The following MCF2L variants were observed in gnomAD, a reference collection of about 807,000 sequenced individuals.
The protein encoded by MCF2L is guanine nucleotide exchange factor DBS.
A neutral mutation model predicts 153.4 loss-of-function variants in MCF2L; 97 were observed. That is an observed-to-expected ratio of 0.63 (90% CI 0.54 to 0.75). MCF2L has a LOEUF of 0.75. Among genes scored for constraint, MCF2L ranks in the 30% least tolerant of loss-of-function variants. The pLI, the probability that MCF2L is intolerant of heterozygous loss-of-function variation, is 0.00. For missense variants in MCF2L, 1,347 were observed against 1,495.2 expected (o/e 0.90, Z 1.64); for synonymous variants, 659 against 632.2 (o/e 1.04, Z -0.64).
intron 2 of MCF2L, among the ~76,000 whole-genome samples, chr13:113,023,411 G>C (rs975257112): frequency 6.6e-6 from 1 of 152,226 alleles, no homozygotes; most frequent in African/African-American, 2.4e-5. Flanking sequence ...GGATGGTAAA[G>C]CCGCCCTGCC....
Position 112,907,461 on chromosome 13 carries a change from C to T in MCF2L, c.169+5090C>T, listed in dbSNP as rs1254590682. On this transcript the variant is annotated intron_variant, in intron 2 of 29. Coordinates refer to the MCF2L transcript ENST00000375608. The surrounding 1 kb of genome is among the most constrained non-coding windows in gnomAD (Gnocchi z 5.1). Reference sequence around the variant, plus strand: ...TAGTCATGGCTTGGTGGAGAATCCTCGGTGTTTCCAGCATGGGTCAGTCGC... The same window carrying T: ...TAGTCATGGCTTGGTGGAGAATCCTTGGTGTTTCCAGCATGGGTCAGTCGC... Among the ~76,000 whole-genome samples the T allele has an allele frequency of 8.6e-5, 13 of 151,988 alleles. No individual in the cohort carries two copies. The highest frequency in any genetic ancestry group is 1.3e-4 in the Non-Finnish European group (9 of 67,984).
chr13:112,903,970 C>T (rs1024944906), intron 2 of MCF2L, among the ~76,000 whole-genome samples: 10 of 152,192 alleles, frequency 6.6e-5, no homozygotes, highest in Non-Finnish European at 1.3e-4. Flanking sequence ...AGACAGCTGG[C>T]TGCCCTGACC....
chr13:113,050,227 AGTGT>A (rs755749225), intron 4 of MCF2L, among the ~76,000 whole-genome samples: 3 of 150,214 alleles, frequency 2.0e-5, no homozygotes, highest in Non-Finnish European at 4.4e-5. Flanking sequence ...AGACTGTGTG[AGTGT>A]GTGAGTGTGT....
At chr13:112,950,005 C>CAAA (rs35902584) in intron 2 of MCF2L, among the ~76,000 whole-genome samples, 2 of 122,800 alleles carry the variant, frequency 1.6e-5, no homozygotes, top group African/African-American at 5.6e-5. Context: ...AAGGATTCTA[C>CAAA]AAAAAAAAAA....
chr13:112,993,255 A>C lies in MCF2L; in HGVS notation c.80-21508A>C, dbSNP rs951053326. Among the ~76,000 whole-genome samples the C allele has an allele frequency of 6.6e-6, 1 of 152,192 alleles. No homozygotes were observed. The highest frequency in any genetic ancestry group is 1.5e-5 in the Non-Finnish European group (1 of 68,032). ...AGCCACGTGATGTCTTCGTGTGAAC[A>C]TGGTGGCGGGGGAGCGCCGGGCACA... On this transcript the variant is annotated intron_variant, in intron 1 of 29. Coordinates refer to ENST00000535094, the MANE Select transcript of MCF2L (RefSeq NM_001112732.3). The surrounding 1 kb of genome is among the most constrained non-coding windows in gnomAD (Gnocchi z 4.6).
chr13:112,896,464 C>CCCCA (rs1555347661), intron 1 of MCF2L, among the ~76,000 whole-genome samples: 1 of 152,098 alleles, frequency 6.6e-6, no homozygotes, highest in African/African-American at 2.4e-5. Context: ...GAGGCCCCCC[C>CCCCA]TGTCTTTACA....
At chr13:112,980,203 A>G (rs2082358147) in intron 1 of MCF2L, among the ~76,000 whole-genome samples, 2 of 152,272 alleles carry the variant, frequency 1.3e-5, no homozygotes, top group African/African-American at 4.8e-5. Context: ...CAAGAATGCC[A>G]TTCAGGAACA....
rs1322815404 is a variant in MCF2L, at chr13:113,098,752, T to G, written c.*1893T>G. ...CGATGATGACAAAATAGCAACAAGGTTGTGCGTGTCAGAAACGCAAAGGCA... is the reference window on the plus strand; with the variant it reads ...CGATGATGACAAAATAGCAACAAGGGTGTGCGTGTCAGAAACGCAAAGGCA... On this transcript the variant is annotated 3_prime_UTR_variant, in exon 30 of 30. Transcript: ENST00000535094. 1 of 152,232 alleles carries G rather than the reference T, an allele frequency of 6.6e-6. No homozygotes were observed. The highest frequency in any genetic ancestry group is 2.4e-5 in the African/African-American group (1 of 41,446). The allele number at this position is 152,232 out of a possible 1,614,324, so 9.4% of individuals were successfully genotyped here. A position where few individuals can be genotyped will look rare whatever the true frequency, so the allele number is the denominator to read the frequency against.
chr13:113,085,421 G>C (rs1328142443), intron 20 of MCF2L, among the ~76,000 whole-genome samples: 1 of 152,234 alleles, frequency 6.6e-6, no homozygotes, highest in Non-Finnish European at 1.5e-5. Flanking sequence ...CAGCCCACAT[G>C]GGATTCTGTG....
chr13:112,925,308 A>G (rs1303624220), intron 2 of MCF2L, among the ~76,000 whole-genome samples: 1 of 152,178 alleles, frequency 6.6e-6, no homozygotes, highest in Non-Finnish European at 1.5e-5. Context: ...GCATATTGCT[A>G]TGACCACTTT....
chr13:113,087,535 G>T, intron 22 of MCF2L, 79 bp downstream of exon 22: 1 of 1,283,404 alleles, frequency 7.8e-7, no homozygotes. Context: ...GGTCTGAGGT[G>T]GCCACGCTGA....
At chr13:113,094,264 C>T (rs564378648) in intron 26 of MCF2L, 9 of 272,084 alleles carry the variant, frequency 3.3e-5, no homozygotes, top group African/African-American at 2.0e-4. Flanking sequence ...GCCTGGGGAT[C>T]GAGGTCTCCC....
At chr13:112,916,848 A>T (rs9604000) in intron 2 of MCF2L, among the ~76,000 whole-genome samples, 1 of 151,698 alleles carries the variant, frequency 6.6e-6, no homozygotes, top group Admixed American at 6.6e-5. Flanking sequence ...CCTGCTTGAC[A>T]GAGCTGAACC....
chr13:112,937,000 T>G (rs891264423), intron 2 of MCF2L, among the ~76,000 whole-genome samples: 1 of 152,254 alleles, frequency 6.6e-6, no homozygotes, highest in Non-Finnish European at 1.5e-5. Flanking sequence ...CAGATATGAC[T>G]GTTCTCAGTC....
intron 3 of MCF2L, chr13:113,026,789 G>A (rs2085337803): frequency 3.3e-6 from 2 of 604,056 alleles, no homozygotes; most frequent in South Asian, 2.0e-5. Flanking sequence ...CCCTCAGGCT[G>A]CAGTTTTTTG....
chr13:113,096,130 C>CT (rs1566892215), intron 27 of MCF2L: 35 of 585,206 alleles, frequency 6.0e-5, no homozygotes, highest in Non-Finnish European at 8.8e-5. Context: ...TGGAGACCAG[C>CT]GTGAGGGGCT....
chr13:113,087,482 C>T (rs1260697554), intron 22 of MCF2L, 26 bp downstream of exon 22: 2 of 1,552,946 alleles, frequency 1.3e-6, no homozygotes, highest in Non-Finnish European at 1.8e-6. Flanking sequence ...TCTGCAGCAG[C>T]ACGCTCCTGG....
At chr13:112,895,866 G>C (rs1168360079) in intron 1 of MCF2L, among the ~76,000 whole-genome samples, 1 of 151,562 alleles carries the variant, frequency 6.6e-6, no homozygotes, top group African/African-American at 2.4e-5. Context: ...CAGCGGTCCC[G>C]GTGTCCCCGA....
At chr13:112,952,833 G>A (rs3011479) in intron 2 of MCF2L, among the ~76,000 whole-genome samples, 44,589 of 151,978 alleles carry the variant, frequency 0.29, 7,033 homozygotes, top group East Asian at 0.6. Flanking sequence ...AAAACCTAGC[G>A]TTTTATGGTC....
Sources: gnomAD v4.1 joint callset for allele counts (sites outside exome capture counted in the v4.1 genomes callset) on GRCh38, gnomAD v4.1.1 for gene constraint, Gnocchi (gnomAD v3.1) non-coding constraint, MANE v1.5 for transcripts, NCBI Gene and HGNC (gene_info 2026-07-23, HGNC 2026-07-21) for gene names.